Variants in PDE10A observed in about 807,000 individuals in gnomAD.
PDE10A encodes cAMP and cAMP-inhibited cGMP 3',5'-cyclic phosphodiesterase 10A.
In PDE10A, 39 loss-of-function variants were observed where a neutral mutation model predicts 97.7. The observed-to-expected ratio is 0.40, with a 90% CI of 0.31 to 0.52. The LOEUF (loss-of-function observed/expected upper bound fraction) is 0.52, where lower values mean the gene tolerates loss of function less well. Ranked by LOEUF, PDE10A falls within the 20% of genes least tolerant of loss-of-function variation. PDE10A has a pLI of 0.56. For synonymous variants in PDE10A, 371 were observed against 376.8 expected, an observed-to-expected ratio of 0.98 and a Z score of 0.18; for missense variants, 731 against 1,047.8, an observed-to-expected ratio of 0.70 and a Z score of 4.17.
At chr6:165,818,157 G>A (rs1190576335) in intron 1 of PDE10A, among the ~76,000 whole-genome samples, 1 of 152,170 alleles carries the variant, frequency 6.6e-6, no homozygotes, top group Non-Finnish European at 1.5e-5. Context: ...TTGATTGCAA[G>A]CTTTCATCTG....
chr6:165,783,082 A>C (rs560581870), intron 1 of PDE10A, among the ~76,000 whole-genome samples: 1 of 140,842 alleles, frequency 7.1e-6, no homozygotes, highest in Non-Finnish European at 1.5e-5. Context: ...TGGTCTGTGA[A>C]GGCAGTAACA....
chr6:165,817,079 TA>T (rs1193495974), intron 1 of PDE10A, among the ~76,000 whole-genome samples: 1 of 152,094 alleles, frequency 6.6e-6, no homozygotes, highest in Non-Finnish European at 1.5e-5. Flanking sequence ...TCAGGAAGGT[TA>T]GAATCATTGG....
intron 1 of PDE10A, among the ~76,000 whole-genome samples, chr6:165,590,861 A>G (rs576193523): frequency 5.3e-5 from 8 of 152,342 alleles, no homozygotes; most frequent in African/African-American, 1.7e-4. Context: ...ACTGCAGTCC[A>G]GCCTGGGCGA....
chr6:165,884,480 G>T (rs758328770), intron 1 of PDE10A, among the ~76,000 whole-genome samples: 1 of 152,118 alleles, frequency 6.6e-6, no homozygotes, highest in African/African-American at 2.4e-5. Flanking sequence ...CAGAACCCTC[G>T]AGTGGCAGAG....
chr6:165,481,281 T>C (rs931898114), intron 3 of PDE10A, among the ~76,000 whole-genome samples: 3 of 152,168 alleles, frequency 2.0e-5, no homozygotes, highest in Non-Finnish European at 2.9e-5. Context: ...CAAGGAACTC[T>C]TCAATTGTGA....
chr6:165,882,634 G>A (rs555836636), intron 1 of PDE10A, among the ~76,000 whole-genome samples: 12 of 152,188 alleles, frequency 7.9e-5, no homozygotes, highest in South Asian at 2.1e-4. Context: ...ATACAAGGAC[G>A]GCAGCATTTC....
intron 1 of PDE10A, among the ~76,000 whole-genome samples, chr6:165,943,242 G>A (rs371089752): frequency 0.015 from 645 of 44,450 alleles, 28 homozygotes; most frequent in African/African-American, 0.042. Context: ...AAAGAAGGAA[G>A]GAAGGAAGGA....
At chr6:165,851,265 G>A (rs530356496) in intron 1 of PDE10A, among the ~76,000 whole-genome samples, 388 of 152,250 alleles carry the variant, frequency 2.5e-3, no homozygotes, top group Non-Finnish European at 4.0e-3. Context: ...ATAGAGAAAA[G>A]CAATTGAACT....
chr6:165,457,773 AG>A (rs1429538321), intron 3 of PDE10A, among the ~76,000 whole-genome samples: 1 of 151,830 alleles, frequency 6.6e-6, no homozygotes, highest in Non-Finnish European at 1.5e-5. Context: ...TGAACAAATC[AG>A]TGTTAATTGT....
intron 1 of PDE10A, among the ~76,000 whole-genome samples, chr6:165,621,430 G>A (rs552593319): frequency 3.2e-4 from 48 of 152,164 alleles, no homozygotes; most frequent in Middle Eastern, 3.4e-3. Context: ...TAGGATCTCC[G>A]GCAGGCTGCA....
At chr6:165,357,116 CTT>C (rs985205101) in intron 18 of PDE10A, among the ~76,000 whole-genome samples, 4 of 152,046 alleles carry the variant, frequency 2.6e-5, no homozygotes, top group African/African-American at 9.7e-5. Flanking sequence ...TTGTCAGATG[CTT>C]TTTCTACATC....
intron 5 of PDE10A, among the ~76,000 whole-genome samples, chr6:165,446,050 A>G (rs1790828233): frequency 6.6e-6 from 1 of 152,252 alleles, no homozygotes; most frequent in African/African-American, 2.4e-5. Context: ...ATGTATTTCA[A>G]GAAATAAAAG....
chr6:165,947,168 T>C (rs1380470788), intron 1 of PDE10A: 1 of 152,230 alleles, frequency 6.6e-6, no homozygotes, highest in African/African-American at 2.4e-5. Context: ...TGTCTGGGTA[T>C]TTCCTCATGG....
At chr6:165,640,751 A>T (rs1451206555) in intron 1 of PDE10A, among the ~76,000 whole-genome samples, 1 of 152,248 alleles carries the variant, frequency 6.6e-6, no homozygotes, top group African/African-American at 2.4e-5. Flanking sequence ...TAAAACACAG[A>T]TTATGTAAAC....
intron 1 of PDE10A, among the ~76,000 whole-genome samples, chr6:165,795,189 G>A (rs115164901): frequency 7.9e-4 from 121 of 152,294 alleles, no homozygotes; most frequent in African/African-American, 2.9e-3. Context: ...CACCTCTGGA[G>A]GGAAACTTGC....
chr6:165,348,012 G>A (rs1423347657), intron 18 of PDE10A, among the ~76,000 whole-genome samples: 3 of 152,008 alleles, frequency 2.0e-5, no homozygotes, highest in Admixed American at 6.5e-5. Context: ...TTTCTTTGAC[G>A]TGCACGTACC....
At chr6:165,552,716 C>T (rs188190258) in intron 1 of PDE10A, among the ~76,000 whole-genome samples, 17 of 152,262 alleles carry the variant, frequency 1.1e-4, no homozygotes, top group Admixed American at 8.5e-4. Context: ...TTGTATCCTT[C>T]GGCTCTCATC....
intron 1 of PDE10A, among the ~76,000 whole-genome samples, chr6:165,935,439 G>A (rs531288287): frequency 6.6e-6 from 1 of 152,286 alleles, no homozygotes; most frequent in East Asian, 1.9e-4. Context: ...ATTTAACCAG[G>A]GGAAAGACAG....
intron 1 of PDE10A, among the ~76,000 whole-genome samples, chr6:165,892,040 C>T (rs577401900): frequency 1.3e-5 from 2 of 151,884 alleles, no homozygotes; most frequent in South Asian, 4.2e-4. Context: ...CCCCACTGAC[C>T]GGACATGATC....
Sources: allele counts gnomAD v4.1 joint callset (sites outside exome capture counted in the v4.1 genomes callset), GRCh38; gene constraint gnomAD v4.1.1; transcripts MANE v1.5; gene names NCBI Gene and HGNC (gene_info 2026-07-23, HGNC 2026-07-21).